Variants in TNR observed in about 807,000 individuals in gnomAD.
TNR encodes tenascin-R.
In TNR, 45 loss-of-function variants were observed where a neutral mutation model predicts 150.4. The ratio of observed to expected loss-of-function variants is 0.30; its 90% confidence interval spans 0.24 to 0.38. The LOEUF is 0.38. Ranked by LOEUF, TNR falls within the 10% of genes least tolerant of loss-of-function variation. TNR has a pLI of 1.00. For synonymous variants in TNR, 687 were observed against 678.4 expected (o/e 1.01, Z -0.20); for missense variants, 1,544 against 1,759.1 (o/e 0.88, Z 2.19).
intron 1 of TNR, among the ~76,000 whole-genome samples, chr1:175,702,299 C>T (rs181123667): frequency 4.7e-4 from 71 of 152,282 alleles, no homozygotes; most frequent in Non-Finnish European, 8.1e-4. Flanking sequence ...CCCACTGAGA[C>T]GCCTGCTCAG....
At chr1:175,656,018 A>G (rs1665161476) in intron 1 of TNR, among the ~76,000 whole-genome samples, 1 of 152,078 alleles carries the variant, frequency 6.6e-6, no homozygotes, top group African/African-American at 2.4e-5. Context: ...TCACCAAGCT[A>G]TGTGCCCCAT....
intron 14 of TNR, among the ~76,000 whole-genome samples, chr1:175,360,235 C>A (rs1651530023): frequency 6.6e-6 from 1 of 152,276 alleles, no homozygotes; most frequent in South Asian, 2.1e-4. Context: ...GCAGGAGTAT[C>A]CCCAGGACAG....
At chr1:175,603,286 G>T (rs1434194499) in intron 1 of TNR, among the ~76,000 whole-genome samples, 2 of 152,178 alleles carry the variant, frequency 1.3e-5, no homozygotes, top group Non-Finnish European at 2.9e-5. Context: ...TCAGTGTTTG[G>T]TGTCAAGTTA....
chr1:175,594,336 C>T (rs1195302648), intron 1 of TNR, among the ~76,000 whole-genome samples: 2 of 152,092 alleles, frequency 1.3e-5, no homozygotes, highest in African/African-American at 4.8e-5. Flanking sequence ...TTTGGACTTG[C>T]TGTTATTCCT....
At chr1:175,360,638 C>T (rs1157404098) in intron 14 of TNR, among the ~76,000 whole-genome samples, 1 of 152,188 alleles carries the variant, frequency 6.6e-6, no homozygotes, top group Non-Finnish European at 1.5e-5. Context: ...GTGGATCTTG[C>T]CCTATTCTCT....
chr1:175,451,143 C>G (rs1418379434), intron 2 of TNR, among the ~76,000 whole-genome samples: 1 of 151,702 alleles, frequency 6.6e-6, no homozygotes, highest in South Asian at 2.1e-4. Context: ...AATTGCCTGC[C>G]TTTGCACTTG....
At chr1:175,346,863 G>C (rs1650811860) in intron 18 of TNR, among the ~76,000 whole-genome samples, 1 of 146,996 alleles carries the variant, frequency 6.8e-6, no homozygotes, top group Non-Finnish European at 1.5e-5. Context: ...GAGGAGTTCT[G>C]TCCTGAACAA....
chr1:175,341,199 A>G (rs1650508780), intron 18 of TNR, among the ~76,000 whole-genome samples: 1 of 152,170 alleles, frequency 6.6e-6, no homozygotes, highest in Non-Finnish European at 1.5e-5. Flanking sequence ...ACCATTTAAT[A>G]TTATCAGAAA....
Position 175,612,475 on chromosome 1 carries a change from G to A in TNR, c.-164-84106C>T, listed in dbSNP as rs140052165. Among the ~76,000 whole-genome samples, 216 of 152,254 alleles carry A rather than the reference G, an allele frequency of 1.4e-3. 3 individuals are homozygous for A. The highest frequency in any genetic ancestry group is 4.9e-3 in the African/African-American group (205 of 41,542). On this transcript the variant is annotated intron_variant, in intron 1 of 22. Coordinates refer to ENST00000367674, the MANE Select transcript of TNR (RefSeq NM_003285.3). ...TTCTATTTCAGAAATGCCCTGCAGG[G>A]ACAGGCATCAGTCAATGGGTCAGGC...
intron 1 of TNR, among the ~76,000 whole-genome samples, chr1:175,727,008 G>C (rs1013462719): frequency 6.6e-6 from 1 of 152,126 alleles, no homozygotes. Context: ...GCTCAACACT[G>C]GACTGAAATG....
chr1:175,742,331 T>C (rs548575535), intron 1 of TNR, among the ~76,000 whole-genome samples: 1 of 152,324 alleles, frequency 6.6e-6, no homozygotes, highest in South Asian at 2.1e-4. Flanking sequence ...TAATTTTGTT[T>C]CTGCTCACCC....
intron 1 of TNR, among the ~76,000 whole-genome samples, chr1:175,718,683 C>T (rs1190816559): frequency 2.0e-5 from 3 of 152,192 alleles, no homozygotes; most frequent in Non-Finnish European, 4.4e-5. Context: ...CCTGAGGGGT[C>T]AGACAAACCA....
At position 175,323,284 on chromosome 1, in the gene TNR, T is replaced by TC. The variant is rs1649161996; in HGVS notation, c.*72dup. ...GTTGCAAAACACATTGCTATTACCC[T>TC]CCCCCCTTGTTTCATATTATAAAAT... On this transcript the variant is annotated 3_prime_UTR_variant, in exon 23 of 23. Coordinates refer to ENST00000367674, the MANE Select transcript of TNR (RefSeq NM_003285.3). The TC allele has an allele frequency of 4.4e-6, 7 of 1,578,802 alleles. No individual in the cohort carries two copies. The highest frequency in any genetic ancestry group is 6.0e-6 in the Non-Finnish European group (7 of 1,157,152).
intron 2 of TNR, among the ~76,000 whole-genome samples, chr1:175,517,012 TGAGAGAGAGA>T (rs58416273): frequency 0.042 from 5,047 of 120,380 alleles, 132 homozygotes; most frequent in Admixed American, 0.093. Context: ...ATCTGAAAGC[TGAGAGAGAGA>T]GAGAGAGAGA....
intron 1 of TNR, among the ~76,000 whole-genome samples, chr1:175,554,785 A>G (rs1661084281): frequency 6.6e-6 from 1 of 152,184 alleles, no homozygotes; most frequent in South Asian, 2.1e-4. Context: ...TGTTTCTTCC[A>G]TTGTGAAATC....
intron 2 of TNR, among the ~76,000 whole-genome samples, chr1:175,526,899 A>G (rs1383421206): frequency 2.6e-5 from 4 of 152,214 alleles, no homozygotes; most frequent in African/African-American, 9.6e-5. Flanking sequence ...TAATCTGGAC[A>G]AGCTATGTTC....
At chr1:175,664,351 G>A (rs1227554105) in intron 1 of TNR, among the ~76,000 whole-genome samples, 2 of 152,202 alleles carry the variant, frequency 1.3e-5, no homozygotes, top group African/African-American at 4.8e-5. Flanking sequence ...GCAGAGTAGA[G>A]GGGCCTCTTG....
chr1:175,574,738 C>T (rs951136517), intron 1 of TNR, among the ~76,000 whole-genome samples: 1 of 152,174 alleles, frequency 6.6e-6, no homozygotes, highest in African/African-American at 2.4e-5. Flanking sequence ...AACACTGACC[C>T]TTGTGTGTAA....
intron 1 of TNR, among the ~76,000 whole-genome samples, chr1:175,616,146 T>G (rs1051343801): frequency 6.6e-6 from 1 of 152,186 alleles, no homozygotes; most frequent in Non-Finnish European, 1.5e-5. Context: ...CGTTTCCCCA[T>G]GCGACCCTAA....
Sources: gnomAD v4.1 joint callset for allele counts (sites outside exome capture counted in the v4.1 genomes callset) on GRCh38, gnomAD v4.1.1 for gene constraint, MANE v1.5 for transcripts, NCBI Gene and HGNC (gene_info 2026-07-23, HGNC 2026-07-21) for gene names.